Variants in YAF2 observed in about 807,000 individuals in gnomAD.
The protein encoded by YAF2 is YY1 associated factor 2.
YAF2 carries 7 observed loss-of-function variants against 20.1 expected under a neutral mutation model. The ratio of observed to expected loss-of-function variants is 0.35; its 90% CI spans 0.20 to 0.65. YAF2 has a LOEUF of 0.65. Ranked by LOEUF, YAF2 falls within the 30% of genes least tolerant of loss-of-function variation. YAF2 has a pLI of 0.69. For synonymous variants in YAF2, 74 were observed against 76.0 expected (o/e 0.97, Z 0.14); for missense variants, 151 against 219.2 (o/e 0.69, Z 1.96).
chr12:42,166,688 A>C (rs1026586878), intron 2 of YAF2, among the ~76,000 whole-genome samples: 48 of 152,302 alleles, frequency 3.2e-4, no homozygotes, highest in African/African-American at 1.1e-3. Flanking sequence ...TTTCAACATC[A>C]CTACAATTTT....
chr12:42,218,452 T>A (rs1044292670), intron 2 of YAF2, among the ~76,000 whole-genome samples: 3 of 152,208 alleles, frequency 2.0e-5, no homozygotes, highest in Admixed American at 6.5e-5. Flanking sequence ...CCTATTTTAT[T>A]GTGTAAAGTG....
chr12:42,229,421 T>TAA (rs58885852), intron 2 of YAF2, among the ~76,000 whole-genome samples: 6,059 of 143,190 alleles, frequency 0.042, 230 homozygotes, highest in African/African-American at 0.1. Context: ...AAAAATAAAT[T>TAA]AAAAAAAAAA....
chr12:42,203,231 G>C (rs1444550795), intron 2 of YAF2, among the ~76,000 whole-genome samples: 1 of 152,036 alleles, frequency 6.6e-6, no homozygotes, highest in Non-Finnish European at 1.5e-5. Flanking sequence ...TCAATAAAAT[G>C]TTGGGTACTA....
intron 2 of YAF2, among the ~76,000 whole-genome samples, chr12:42,222,538 C>T (rs1232314407): frequency 1.3e-5 from 2 of 152,160 alleles, no homozygotes; most frequent in African/African-American, 4.8e-5. Flanking sequence ...TATAGGAAAG[C>T]ACTCTGAACA....
chr12:42,165,250 T>C (rs547376619), intron 2 of YAF2, among the ~76,000 whole-genome samples: 36 of 152,148 alleles, frequency 2.4e-4, no homozygotes, highest in African/African-American at 8.2e-4. Flanking sequence ...GGAGTTATTA[T>C]AGACAGAGAG....
At position 42,201,191 on chromosome 12, in the gene YAF2, T is replaced by C. The variant is rs145185764; in HGVS notation, c.152+36408A>G. Among the ~76,000 whole-genome samples, 76 of 152,352 alleles carry C rather than the reference T, an allele frequency of 5.0e-4. 2 individuals are homozygous for C. Among genetic ancestry groups the C allele is most frequent in the African/African-American group, 1.8e-3 (75 of 41,588 alleles). On this transcript the variant is annotated intron_variant, in intron 2 of 3. Coordinates refer to ENST00000534854, the MANE Select transcript of YAF2 (RefSeq NM_005748.6). Reference sequence around the variant, plus strand: ...TATTTTTTCCAAATGAATATCCATGTACATTCCTCCTTGGGCAACTGTTCA... The same window carrying C: ...TATTTTTTCCAAATGAATATCCATGCACATTCCTCCTTGGGCAACTGTTCA...
At chr12:42,230,530 A>G (rs1237623671) in intron 2 of YAF2, among the ~76,000 whole-genome samples, 1 of 152,194 alleles carries the variant, frequency 6.6e-6, no homozygotes, top group African/African-American at 2.4e-5. Context: ...TTCAAAAAAG[A>G]TAATGAAGAT....
rs187594768 is a variant in YAF2 at position 42,224,428 on chromosome 12, C to G, written c.152+13171G>C. Among the ~76,000 whole-genome samples, 14 of 152,140 alleles carry G rather than the reference C, an allele frequency of 9.2e-5. No homozygotes were observed. In the East Asian group the frequency reaches 2.7e-3, roughly 29 times the overall value. On this transcript the variant is annotated intron_variant, in intron 2 of 3. Coordinates refer to ENST00000534854, the MANE Select transcript of YAF2 (RefSeq NM_005748.6). ...ATTCTGGGATACATGTGCAGAACCT[C>G]CAGGTTTGTTACATAGGTATACACG...
At chr12:42,168,175 A>AT (rs972399859) in intron 2 of YAF2, among the ~76,000 whole-genome samples, 3,788 of 125,924 alleles carry the variant, frequency 0.03, 80 homozygotes, top group South Asian at 0.039. Context: ...GAAAGACAGC[A>AT]TTTTTTTTTT....
chr12:42,182,590 CA>C (rs762927990), intron 2 of YAF2, among the ~76,000 whole-genome samples: 1 of 151,856 alleles, frequency 6.6e-6, no homozygotes, highest in Non-Finnish European at 1.5e-5. Context: ...GAAGAGGTTG[CA>C]AAAGATTGCC....
intron 2 of YAF2, among the ~76,000 whole-genome samples, chr12:42,177,792 T>C (rs2066234651): frequency 6.6e-6 from 1 of 152,204 alleles, no homozygotes; most frequent in African/African-American, 2.4e-5. Context: ...TTTTACTTTA[T>C]TCTTTTTTTA....
chr12:42,178,046 T>C (rs2137032612), intron 2 of YAF2, among the ~76,000 whole-genome samples: 2 of 152,298 alleles, frequency 1.3e-5, no homozygotes, highest in South Asian at 4.1e-4. Flanking sequence ...CTTTTTCCTC[T>C]TCTATTTTGT....
intron 2 of YAF2, among the ~76,000 whole-genome samples, chr12:42,196,631 G>A (rs1025434955): frequency 6.6e-6 from 1 of 152,194 alleles, no homozygotes; most frequent in African/African-American, 2.4e-5. Context: ...AAAAACCCAA[G>A]AGGCAACAAG....
chr12:42,198,926 T>C (rs1306406002), intron 2 of YAF2, among the ~76,000 whole-genome samples: 8 of 152,226 alleles, frequency 5.3e-5, no homozygotes, highest in Non-Finnish European at 1.0e-4. Context: ...CAAGTTAAGA[T>C]GTGCTGTAAA....
chr12:42,217,099 A>T (rs1026896821), intron 2 of YAF2, among the ~76,000 whole-genome samples: 3 of 152,234 alleles, frequency 2.0e-5, no homozygotes, highest in African/African-American at 7.2e-5. Context: ...ATTCAGCAAG[A>T]AAGTAAGCAT....
chr12:42,215,347 G>A (rs978971580), intron 2 of YAF2, among the ~76,000 whole-genome samples: 4 of 151,752 alleles, frequency 2.6e-5, no homozygotes, highest in Admixed American at 6.6e-5. Context: ...GAGGTGGATC[G>A]CAAGAGCCCA....
Position 42,171,167 on chromosome 12 carries a change from T to C in YAF2, c.153-9402A>G, listed in dbSNP as rs1249556451. Among the ~76,000 whole-genome samples, 6 of 152,136 alleles carry C rather than the reference T, an allele frequency of 3.9e-5. No individual in the cohort carries two copies. The East Asian group carries it at 1.2e-3, about 29-fold the overall frequency. ...GCCACCATACCTGGCTAATTTTGCA[T>C]TTTTAGTAGAGACGGGATTTCACCA... On this transcript the variant is annotated intron_variant, in intron 2 of 3. Coordinates refer to ENST00000534854, the MANE Select transcript of YAF2 (RefSeq NM_005748.6).
chr12:42,211,885 C>T (rs964755680), intron 2 of YAF2, among the ~76,000 whole-genome samples: 1 of 151,840 alleles, frequency 6.6e-6, no homozygotes, highest in African/African-American at 2.4e-5. Context: ...CCCGTCTCTA[C>T]TAAAAATACA....
At chr12:42,166,310 A>G (rs1280264865) in intron 2 of YAF2, among the ~76,000 whole-genome samples, 3 of 152,188 alleles carry the variant, frequency 2.0e-5, no homozygotes, top group Non-Finnish European at 4.4e-5. Flanking sequence ...TTGACAACTC[A>G]TAATTTCTTG....
Sources: allele counts gnomAD v4.1 joint callset (sites outside exome capture counted in the v4.1 genomes callset), GRCh38; gene constraint gnomAD v4.1.1; transcripts MANE v1.5; gene names NCBI Gene and HGNC (gene_info 2026-07-23, HGNC 2026-07-21).